The following ADAMTS18 variants were observed in gnomAD, a reference collection of about 807,000 sequenced individuals.
The protein encoded by ADAMTS18 is ADAM metallopeptidase with thrombospondin type 1 motif 18.
Under a neutral mutation model 165.9 loss-of-function variants are expected in ADAMTS18, and 157 were observed. That is an observed-to-expected ratio of 0.95 (90% CI 0.83 to 1.08). ADAMTS18 has a LOEUF of 1.08. ADAMTS18 is among the 50% of genes least tolerant of loss of function. The probability of loss-of-function intolerance (pLI) is 0.00; values close to 1 mark genes in which losing one functional copy is unlikely to be tolerated. For synonymous variants in ADAMTS18, 782 were observed against 578.2 expected, an observed-to-expected ratio of 1.35 and a Z score of -5.06; for missense variants, 2,040 against 1,534.0, an observed-to-expected ratio of 1.33 and a Z score of -5.51.
intron 3 of ADAMTS18, among the ~76,000 whole-genome samples, chr16:77,401,462 C>T (rs1173135752): frequency 6.6e-6 from 1 of 152,150 alleles, no homozygotes; most frequent in Non-Finnish European, 1.5e-5. Context: ...AGGCACAGAA[C>T]ATTTAAATAA....
chr16:77,305,191 C>G (rs1325800100), intron 16 of ADAMTS18, among the ~76,000 whole-genome samples: 1 of 152,168 alleles, frequency 6.6e-6, no homozygotes, highest in East Asian at 1.9e-4. Flanking sequence ...GTAAGATGCT[C>G]TTTGCCCCCA....
At chr16:77,316,226 T>A (rs1347542300) in intron 16 of ADAMTS18, among the ~76,000 whole-genome samples, 2 of 151,238 alleles carry the variant, frequency 1.3e-5, no homozygotes, top group African/African-American at 2.4e-5. Flanking sequence ...TTCTTGCCTC[T>A]CCAATCACTT....
At chr16:77,371,295 T>C (rs1038749811) in intron 3 of ADAMTS18, among the ~76,000 whole-genome samples, 1 of 152,080 alleles carries the variant, frequency 6.6e-6, no homozygotes, top group Non-Finnish European at 1.5e-5. Flanking sequence ...AATATTCATA[T>C]GGAACCACAA....
chr16:77,393,777 C>T (rs910690932), intron 3 of ADAMTS18, among the ~76,000 whole-genome samples: 3 of 152,216 alleles, frequency 2.0e-5, no homozygotes, highest in African/African-American at 7.2e-5. Flanking sequence ...TGGACTAAGA[C>T]ACCATCCAAA....
chr16:77,425,929 C>G (rs1261717378), intron 3 of ADAMTS18, among the ~76,000 whole-genome samples: 1 of 151,962 alleles, frequency 6.6e-6, no homozygotes, highest in African/African-American at 2.4e-5. Flanking sequence ...GCCTGTAATC[C>G]CAGCTGCTTG....
intron 3 of ADAMTS18, among the ~76,000 whole-genome samples, chr16:77,427,130 A>G (rs569917430): frequency 6.6e-6 from 1 of 152,348 alleles, no homozygotes; most frequent in South Asian, 2.1e-4. Context: ...CATCTGGAGA[A>G]TTAAAAATAC....
intron 3 of ADAMTS18, among the ~76,000 whole-genome samples, chr16:77,406,765 C>G (rs763941068): frequency 1.5e-4 from 23 of 151,920 alleles, no homozygotes; most frequent in Non-Finnish European, 3.1e-4. Context: ...CACACACAGC[C>G]ATAAAAAAGA....
At chr16:77,372,992 C>T (rs2056897782) in intron 3 of ADAMTS18, among the ~76,000 whole-genome samples, 1 of 152,168 alleles carries the variant, frequency 6.6e-6, no homozygotes, top group South Asian at 2.1e-4. Flanking sequence ...TCCTCTCTTC[C>T]TCTTCTCACA....
At chr16:77,362,780 T>C (rs2056734777) in intron 6 of ADAMTS18, among the ~76,000 whole-genome samples, 1 of 152,212 alleles carries the variant, frequency 6.6e-6, no homozygotes, top group Non-Finnish European at 1.5e-5. Flanking sequence ...AAATAATCAT[T>C]TGTCAAATGT....
At chr16:77,430,697 G>C (rs1297287542) in intron 3 of ADAMTS18, among the ~76,000 whole-genome samples, 3 of 152,158 alleles carry the variant, frequency 2.0e-5, no homozygotes, top group African/African-American at 7.2e-5. Flanking sequence ...GATTACATAG[G>C]GAGGAAATAA....
chr16:77,373,413 C>T (rs1312466790), intron 3 of ADAMTS18, among the ~76,000 whole-genome samples: 3 of 149,764 alleles, frequency 2.0e-5, no homozygotes, highest in Non-Finnish European at 3.0e-5. Context: ...GAGCTGAGAT[C>T]ACACCACTGC....
intron 3 of ADAMTS18, among the ~76,000 whole-genome samples, chr16:77,385,275 A>G (rs2057090817): frequency 6.6e-6 from 1 of 152,230 alleles, no homozygotes; most frequent in African/African-American, 2.4e-5. Context: ...TTTGCTATTT[A>G]AATTATCATT....
chr16:77,376,671 A>C (rs1287763707), intron 3 of ADAMTS18, among the ~76,000 whole-genome samples: 9 of 152,226 alleles, frequency 5.9e-5, no homozygotes, highest in African/African-American at 2.2e-4. Flanking sequence ...CTAAAGCTTA[A>C]AAATTAAATT....
chr16:77,369,897 G>A (rs2056852272), intron 3 of ADAMTS18, among the ~76,000 whole-genome samples: 1 of 152,158 alleles, frequency 6.6e-6, no homozygotes, highest in African/African-American at 2.4e-5. Context: ...CCATGATCGA[G>A]TGGAATTCAT....
chr16:77,301,761 C>CTCTTAAGA (rs144167524), intron 16 of ADAMTS18, among the ~76,000 whole-genome samples: 16,092 of 152,136 alleles, frequency 0.11, 1,162 homozygotes, highest in Admixed American at 0.22. Context: ...TTATGACTAA[C>CTCTTAAGA]TCTTAAGATT....
At position 77,329,301 on chromosome 16, in the gene ADAMTS18, C is replaced by A. The variant is rs373788423; in HGVS notation, c.1860-3263G>T. Among the ~76,000 whole-genome samples the A allele has an allele frequency of 6.6e-5, 10 of 152,034 alleles. No homozygotes were observed. In the South Asian group the frequency reaches 1.2e-3, roughly 19 times the overall value. On this transcript the variant is annotated intron_variant, in intron 12 of 22. Coordinates refer to ENST00000282849, the MANE Select transcript of ADAMTS18 (RefSeq NM_199355.4). ...TTAAAATTTTTATACAGATGAGGGGCTGTGTTGCCCAGGCTGGTCTCAAAC... is the reference window on the plus strand; with the variant it reads ...TTAAAATTTTTATACAGATGAGGGGATGTGTTGCCCAGGCTGGTCTCAAAC...
At chr16:77,350,349 C>T (rs2056538261) in intron 10 of ADAMTS18, among the ~76,000 whole-genome samples, 1 of 152,196 alleles carries the variant, frequency 6.6e-6, no homozygotes, top group South Asian at 2.1e-4. Context: ...AGAGCCTTTA[C>T]CAGGGCAGCC....
chr16:77,373,150 T>A (rs901598573), intron 3 of ADAMTS18, among the ~76,000 whole-genome samples: 7 of 152,260 alleles, frequency 4.6e-5, no homozygotes, highest in East Asian at 1.9e-4. Context: ...GATGTCTCAA[T>A]TTAAACACCA....
At chr16:77,336,951 G>C (rs1371754204) in intron 11 of ADAMTS18, among the ~76,000 whole-genome samples, 2 of 152,156 alleles carry the variant, frequency 1.3e-5, no homozygotes, top group Non-Finnish European at 2.9e-5. Context: ...TGGGGGATCG[G>C]TTACAGAATT....
Sources: allele counts gnomAD v4.1 joint callset (sites outside exome capture counted in the v4.1 genomes callset), GRCh38; gene constraint gnomAD v4.1.1; transcripts MANE v1.5; gene names NCBI Gene and HGNC (gene_info 2026-07-23, HGNC 2026-07-21).